The following BRI3BP variants were observed in gnomAD, a reference collection of about 807,000 sequenced individuals.
The protein encoded by BRI3BP is BRI3-binding protein.
In BRI3BP, 7 loss-of-function variants were observed where a neutral mutation model predicts 15.8. The observed-to-expected ratio is 0.44, with a 90% CI of 0.25 to 0.83. BRI3BP has a LOEUF of 0.83. Ranked by LOEUF, BRI3BP falls within the 40% of genes least tolerant of loss-of-function variation. The probability of loss-of-function intolerance (pLI) is 0.20; values close to 1 mark genes in which losing one functional copy is unlikely to be tolerated. For synonymous variants in BRI3BP, 192 were observed against 163.5 expected (o/e 1.17, Z -1.33); for missense variants, 320 against 339.3 (o/e 0.94, Z 0.45).
At chr12:125,034,715 A>G (rs1405227982), downstream of BRI3BP, among the ~76,000 whole-genome samples, 9 of 151,836 alleles carry the variant, frequency 5.9e-5, 1 homozygote, top group East Asian at 1.8e-3. Flanking sequence ...TCAGCCTCCC[A>G]AGTAGCTGGG....
At chr12:125,043,815 C>T in the BRI3BP span, among the ~76,000 whole-genome samples, 1 of 152,096 alleles carries the variant, frequency 6.6e-6, no homozygotes, top group African/African-American at 2.4e-5. Context: ...AAGATCGCAA[C>T]ACTGCACTGC....
At chr12:125,005,206 G>A (rs1332453801) in intron 1 of BRI3BP, among the ~76,000 whole-genome samples, 1 of 152,154 alleles carries the variant, frequency 6.6e-6, no homozygotes, top group African/African-American at 2.4e-5. Context: ...TTCTCATAAT[G>A]AGACTGGGTG....
chr12:124,993,805 C>T lies in BRI3BP; in HGVS notation c.15C>T (p.Ala5=). Residue 5 remains alanine (A), a synonymous_variant, in exon 1 of 3, where the codon GCC becomes GCT. Transcript: ENST00000341446. The part of the protein sequence containing the change: MGAR[A]SGGPLARAGL... ...GCCGGCCGAGCATGGGCGCGCGCGC[C>T]TCAGGCGGGCCCCTGGCCCGGGCCG... 1 of 1,075,634 alleles carries T rather than the reference C, an allele frequency of 9.3e-7. No homozygotes were observed. Among genetic ancestry groups the T allele is most frequent in the South Asian group, 4.2e-5 (1 of 23,772 alleles). 66.6% of individuals were successfully genotyped at this position (1,075,634 alleles called of 1,614,324 possible). A position where few individuals can be genotyped will look rare whatever the true frequency, so the allele number is the denominator to read the frequency against.
At chr12:125,022,541 A>ATTTATTTATTTATTTATTTATTTT in intron 2 of BRI3BP, among the ~76,000 whole-genome samples, 1,710 of 139,346 alleles carry the variant, frequency 0.012, 43 homozygotes, top group African/African-American at 0.046. Context: ...TTATTTATTT[A>ATTTATTTATTTATTTATTTATTTT]TTTTTTGAGA....
chr12:125,018,729 A>G (rs1255189115), intron 2 of BRI3BP, among the ~76,000 whole-genome samples: 2 of 148,940 alleles, frequency 1.3e-5, no homozygotes, highest in Non-Finnish European at 3.0e-5. Context: ...GCCCAGGCTG[A>G]AGTGCAGTGG....
chr12:125,032,497 C>T (rs1483677628), downstream of BRI3BP, among the ~76,000 whole-genome samples: 1 of 150,216 alleles, frequency 6.7e-6, no homozygotes, highest in Non-Finnish European at 1.5e-5. Flanking sequence ...TGGCCGGGTG[C>T]AGTGGCTCAC....
In BRI3BP at chr12:125,025,020, G is replaced by C. The variant is rs763941109; in HGVS notation, c.346G>C (p.Ala116Pro). 1 of 1,613,194 alleles carries C rather than the reference G, an allele frequency of 6.2e-7. No individual in the cohort carries two copies. The highest frequency in any genetic ancestry group is 8.5e-7 in the Non-Finnish European group (1 of 1,179,890). Residue 116 changes from alanine (A) to proline (P), a missense_variant, in exon 3 of 3, where the codon GCC becomes CCC. Transcript: ENST00000341446. ...VSNLSQYFSP[A>P]SVSSSPARAL... ...CAACCTGTCCCAGTATTTCAGCCCA[G>C]CCTCGGTGTCCAGCAGCCCGGCCCG... is the stretch of plus-strand genomic sequence containing the variant.
intron 2 of BRI3BP, among the ~76,000 whole-genome samples, chr12:125,017,610 G>A (rs1217166697): frequency 6.6e-6 from 1 of 152,122 alleles, no homozygotes; most frequent in African/African-American, 2.4e-5. Flanking sequence ...GTTCTGACTT[G>A]TCACATTTCA....
At chr12:125,011,848 G>A (rs966942483) in intron 1 of BRI3BP, among the ~76,000 whole-genome samples, 1 of 152,204 alleles carries the variant, frequency 6.6e-6, no homozygotes, top group African/African-American at 2.4e-5. Flanking sequence ...GCATGGGGCT[G>A]TATCATTACC....
intron 2 of BRI3BP, among the ~76,000 whole-genome samples, chr12:125,024,462 G>A (rs1348921629): frequency 6.6e-6 from 1 of 152,160 alleles, no homozygotes; most frequent in East Asian, 1.9e-4. Context: ...AGAGAAACCA[G>A]TATATGGAGA....
chr12:125,035,572 T>C (rs1955436204), downstream of BRI3BP, among the ~76,000 whole-genome samples: 1 of 152,134 alleles, frequency 6.6e-6, no homozygotes. Context: ...GCTTTTTTTT[T>C]TGTAGAGATG....
Position 125,030,879 on chromosome 12 carries a change from G to A in BRI3BP, c.*5449G>A, listed in dbSNP as rs1035308228. 6.6e-6 allele frequency: 1 copy of A among 152,124 alleles called. No homozygotes were observed. The allele number at this position is 152,124 out of a possible 1,614,324, so 9.4% of individuals were successfully genotyped here. On this transcript the variant is annotated 3_prime_UTR_variant, in exon 3 of 3. Transcript: ENST00000341446. ...ATTCATGATTGACTTCATATTTTGT[G>A]TATCTGGTTATAAATTTTGTATAGC...
chr12:125,022,533 A>ATTTTTTTTTTTTTTTTTT (rs1955307726), intron 2 of BRI3BP, among the ~76,000 whole-genome samples: 5 of 108,802 alleles, frequency 4.6e-5, no homozygotes, highest in African/African-American at 1.4e-4. Flanking sequence ...TTATTTATTT[A>ATTTTTTTTTTTTTTTTTT]TTTATTTATT....
chr12:125,009,471 G>T (rs893879233), intron 1 of BRI3BP, among the ~76,000 whole-genome samples: 1 of 151,878 alleles, frequency 6.6e-6, no homozygotes, highest in Admixed American at 6.6e-5. Flanking sequence ...TGTGTTTTCA[G>T]TAGAGACAAG....
intron 1 of BRI3BP, among the ~76,000 whole-genome samples, chr12:124,997,264 G>A (rs1176357754): frequency 9.2e-6 from 1 of 108,664 alleles, no homozygotes; most frequent in Non-Finnish European, 1.7e-5. Context: ...CTCCCAGGCT[G>A]GAGTGCAATG....
intron 1 of BRI3BP, among the ~76,000 whole-genome samples, chr12:125,004,366 G>C (rs10846801): frequency 0.061 from 9,259 of 152,028 alleles, 421 homozygotes; most frequent in Admixed American, 0.14. Flanking sequence ...GACAGTGTCT[G>C]GCCATGTTGC....
At position 124,993,770 on chromosome 12, in the gene BRI3BP, C is replaced by G; in HGVS notation, c.-21C>G. On this transcript the variant is annotated 5_prime_UTR_variant, in exon 1 of 3. Coordinates refer to ENST00000341446, the MANE Select transcript of BRI3BP (RefSeq NM_080626.6). ...CACGGCCCTCACCCCGCATCGCGAC[C>G]CCGCGCCCCGCCGGCCGAGCATGGG... is the stretch of plus-strand genomic sequence containing the variant. 2.0e-6 allele frequency: 2 copies of G among 1,007,102 alleles called. No individual in the cohort carries two copies. The highest frequency in any genetic ancestry group is 1.0e-4 in the East Asian group (1 of 9,686). The allele number at this position is 1,007,102 out of a possible 1,614,324, so 62.4% of individuals were successfully genotyped here.
the BRI3BP span, among the ~76,000 whole-genome samples, chr12:125,044,400 C>T: frequency 6.6e-6 from 1 of 151,596 alleles, no homozygotes; most frequent in Non-Finnish European, 1.5e-5. Context: ...CGGCCTGCCT[C>T]AGCCTCCCAA....
intron 1 of BRI3BP, among the ~76,000 whole-genome samples, chr12:124,994,833 G>T (rs1391078992): frequency 6.6e-6 from 1 of 152,204 alleles, no homozygotes; most frequent in African/African-American, 2.4e-5. Flanking sequence ...CTTGCCGCCA[G>T]CCTTCCTGGG....
Sources: gnomAD v4.1 joint callset for allele counts (sites outside exome capture counted in the v4.1 genomes callset) on GRCh38, gnomAD v4.1.1 for gene constraint, MANE v1.5 for transcripts, NCBI Gene and HGNC (gene_info 2026-07-23, HGNC 2026-07-21) for gene names.